The following MACROD2 variants were observed in gnomAD, a reference collection of about 807,000 sequenced individuals.
MACROD2 encodes ADP-ribose glycohydrolase MACROD2.
Under a neutral mutation model 70.4 loss-of-function variants are expected in MACROD2, and 36 were observed. The ratio of observed to expected loss-of-function variants is 0.51; its 90% confidence interval spans 0.39 to 0.68. The LOEUF (loss-of-function observed/expected upper bound fraction) is 0.68, where lower values mean the gene tolerates loss of function less well. Ranked by LOEUF, MACROD2 falls within the 30% of genes least tolerant of loss-of-function variation. MACROD2 has a pLI of 0.00. For missense variants in MACROD2, 496 were observed against 538.4 expected (o/e 0.92, Z 0.78); for synonymous variants, 172 against 178.8 (o/e 0.96, Z 0.30).
At chr20:15,752,801 A>G (rs1331194402) in intron 8 of MACROD2, among the ~76,000 whole-genome samples, 1 of 152,060 alleles carries the variant, frequency 6.6e-6, no homozygotes, top group African/African-American at 2.4e-5. Context: ...TGTTTCTCTC[A>G]TAATTGTTCC....
chr20:14,937,287 T>G (rs560845206), intron 5 of MACROD2, among the ~76,000 whole-genome samples: 1 of 152,066 alleles, frequency 6.6e-6, no homozygotes, highest in South Asian at 2.1e-4. Context: ...GGGGTGAGTG[T>G]GCAGGCAGAG....
At chr20:15,980,721 T>C (rs2066385689) in intron 13 of MACROD2, among the ~76,000 whole-genome samples, 1 of 152,224 alleles carries the variant, frequency 6.6e-6, no homozygotes, top group African/African-American at 2.4e-5. Flanking sequence ...ATTATCTATG[T>C]GTAGACAGTA....
At chr20:15,110,678 A>G (rs1037203311) in intron 5 of MACROD2, among the ~76,000 whole-genome samples, 1 of 152,168 alleles carries the variant, frequency 6.6e-6, no homozygotes, top group East Asian at 1.9e-4. Flanking sequence ...AGAAGGAAAT[A>G]TGAGGACATA....
intron 5 of MACROD2, among the ~76,000 whole-genome samples, chr20:14,774,225 A>G (rs563924414): frequency 6.6e-6 from 1 of 152,024 alleles, no homozygotes; most frequent in Non-Finnish European, 1.5e-5. Flanking sequence ...TAGGAACATA[A>G]ACTTAGAACA....
At chr20:15,119,486 G>A (rs1199466246) in intron 5 of MACROD2, among the ~76,000 whole-genome samples, 1 of 152,184 alleles carries the variant, frequency 6.6e-6, no homozygotes, top group South Asian at 2.1e-4. Context: ...GGATGACACA[G>A]CATCCCACGG....
At chr20:14,205,164 T>TA (rs1376352007) in intron 3 of MACROD2, among the ~76,000 whole-genome samples, 1 of 152,202 alleles carries the variant, frequency 6.6e-6, no homozygotes, top group African/African-American at 2.4e-5. Context: ...CTGGTGCCCA[T>TA]AGAAGACATT....
intron 3 of MACROD2, among the ~76,000 whole-genome samples, chr20:14,230,654 T>TATATATATATATATATATATAAAAA: frequency 1.3e-5 from 1 of 74,238 alleles, no homozygotes; most frequent in African/African-American, 6.8e-5. Flanking sequence ...TATATATATA[T>TATATATATATATATATATATAAAAA]AACACAGGCT....
intron 5 of MACROD2, among the ~76,000 whole-genome samples, chr20:15,206,721 GTTTTTTT>G (rs56752104): frequency 1.8e-3 from 59 of 33,000 alleles, no homozygotes; most frequent in African/African-American, 7.2e-3. Flanking sequence ...TATTATCTAT[GTTTTTTT>G]TTTTTTTTTT....
intron 3 of MACROD2, among the ~76,000 whole-genome samples, chr20:14,298,974 G>A (rs962842416): frequency 1.1e-4 from 17 of 152,208 alleles, no homozygotes; most frequent in African/African-American, 4.1e-4. Context: ...TACTCCTGGT[G>A]AAGATGCTGT....
At chr20:14,633,412 G>A (rs1984620813) in intron 4 of MACROD2, among the ~76,000 whole-genome samples, 6 of 152,024 alleles carry the variant, frequency 3.9e-5, no homozygotes, top group Admixed American at 3.9e-4. Context: ...CTTCTTCAAA[G>A]GAAATTGAAG....
intron 6 of MACROD2, among the ~76,000 whole-genome samples, chr20:15,282,096 C>A (rs185105765): frequency 6.6e-6 from 1 of 152,342 alleles, no homozygotes; most frequent in Admixed American, 6.5e-5. Flanking sequence ...ATGGCTGGGA[C>A]TCAAGGCACC....
intron 3 of MACROD2, among the ~76,000 whole-genome samples, chr20:14,472,627 A>G (rs1166083719): frequency 6.6e-6 from 1 of 152,210 alleles, no homozygotes; most frequent in Non-Finnish European, 1.5e-5. Flanking sequence ...AGTGTTGTAC[A>G]AAAGCTTGTG....
intron 5 of MACROD2, among the ~76,000 whole-genome samples, chr20:14,841,527 G>GAAA (rs11481126): frequency 4.0e-5 from 6 of 149,300 alleles, no homozygotes; most frequent in African/African-American, 7.4e-5. Context: ...ATGTTTTCAG[G>GAAA]AAAAAAAAAA....
intron 2 of MACROD2, among the ~76,000 whole-genome samples, chr20:14,028,381 G>A (rs1278009721): frequency 6.6e-6 from 1 of 152,150 alleles, no homozygotes; most frequent in Non-Finnish European, 1.5e-5. Context: ...GATCTGCTGA[G>A]CTAGACCACT....
intron 8 of MACROD2, among the ~76,000 whole-genome samples, chr20:15,639,977 AAG>A (rs11470804): frequency 0.078 from 11,609 of 148,386 alleles, 575 homozygotes; most frequent in Middle Eastern, 0.15. Context: ...AGGAGAAAGA[AAG>A]AGGGGGTGAG....
intron 3 of MACROD2, among the ~76,000 whole-genome samples, chr20:14,177,728 A>G (rs1340159550): frequency 6.6e-6 from 1 of 152,216 alleles, no homozygotes; most frequent in Non-Finnish European, 1.5e-5. Flanking sequence ...GAAATTTAGC[A>G]TGTGATAAAT....
intron 5 of MACROD2, among the ~76,000 whole-genome samples, chr20:14,741,829 A>C (rs2071736400): frequency 1.3e-5 from 2 of 152,126 alleles, no homozygotes; most frequent in Non-Finnish European, 2.9e-5. Flanking sequence ...AGCCCATTGG[A>C]TTAAAAAAAA....
At chr20:16,049,786 A>C in intron 17 of MACROD2, 44 bp from the exon 18 acceptor site, 1 of 1,602,490 alleles carries the variant, frequency 6.2e-7, no homozygotes, top group South Asian at 1.1e-5. Flanking sequence ...GCCTGTGAAG[A>C]TGTCTTATCT....
chr20:14,360,563 A>T (rs1312038896), intron 3 of MACROD2, among the ~76,000 whole-genome samples: 2 of 152,190 alleles, frequency 1.3e-5, no homozygotes, highest in African/African-American at 4.8e-5. Context: ...TTGTAAAAAG[A>T]ACTTGAATGA....
Sources: gnomAD v4.1 joint callset for allele counts (sites outside exome capture counted in the v4.1 genomes callset) on GRCh38, gnomAD v4.1.1 for gene constraint, MANE v1.5 for transcripts, NCBI Gene and HGNC (gene_info 2026-07-23, HGNC 2026-07-21) for gene names.